Variants in ZDHHC18 observed in about 807,000 individuals in gnomAD.
ZDHHC18 encodes zDHHC palmitoyltransferase 18, also known as palmitoyltransferase ZDHHC18.
ZDHHC18 carries 23 observed loss-of-function variants against 37.5 expected under a neutral mutation model. The ratio of observed to expected loss-of-function variants is 0.61; its 90% CI spans 0.44 to 0.87. The LOEUF is 0.87. ZDHHC18 is among the 40% of genes least tolerant of loss of function. The pLI is 0.00. For missense variants in ZDHHC18, 406 were observed against 525.6 expected, an observed-to-expected ratio of 0.77 and a Z score of 2.22; for synonymous variants, 185 against 218.7, an observed-to-expected ratio of 0.85 and a Z score of 1.36.
chr1:26,856,018 C>A lies in ZDHHC18; in HGVS notation c.*2175C>A. Reference sequence around the variant, plus strand: ...GAGACCCCCAAATTCTTCTTCCCTACTGCCTTTCCACTCCGATCCCCAATG... The same window carrying A: ...GAGACCCCCAAATTCTTCTTCCCTAATGCCTTTCCACTCCGATCCCCAATG... On this transcript the variant is annotated 3_prime_UTR_variant, in exon 8 of 8. Coordinates refer to ENST00000374142, the MANE Select transcript of ZDHHC18 (RefSeq NM_032283.3). The surrounding 1 kb of genome is among the most constrained non-coding windows in gnomAD (Gnocchi z 5.2). 1 of 335,058 alleles carries A rather than the reference C, an allele frequency of 3.0e-6. No homozygotes were observed. The highest frequency in any genetic ancestry group is 6.4e-6 in the Non-Finnish European group (1 of 156,582). The allele number at this position is 335,058 out of a possible 1,614,324, so 20.8% of individuals were successfully genotyped here.
chr1:26,856,171 G>A lies in ZDHHC18; in HGVS notation c.*2328G>A. 2.2e-6 allele frequency: 1 copy of A among 452,556 alleles called. No homozygotes were observed. Among genetic ancestry groups the A allele is most frequent in the South Asian group, 1.6e-5 (1 of 64,494 alleles). 28.0% of individuals were successfully genotyped at this position (452,556 alleles called of 1,614,324 possible). A position where few individuals can be genotyped will look rare whatever the true frequency, so the allele number is the denominator to read the frequency against. On this transcript the variant is annotated 3_prime_UTR_variant, in exon 8 of 8. Coordinates refer to ENST00000374142, the MANE Select transcript of ZDHHC18 (RefSeq NM_032283.3). This position sits in a 1 kb window ranked among gnomAD's most constrained non-coding sequence, Gnocchi z 5.2. The stretch of plus-strand genomic sequence containing the variant: ...ACTCATAACACTGGCCCACCTCTCT[G>A]GTATCTCCCTCAGGAGGACACCTGT...
At chr1:26,840,481 C>T (rs1043296232) in intron 2 of ZDHHC18, among the ~76,000 whole-genome samples, 1 of 152,210 alleles carries the variant, frequency 6.6e-6, no homozygotes, top group African/African-American at 2.4e-5. Flanking sequence ...TGCTCTGTCA[C>T]CCAGGCTGGA....
intron 7 of ZDHHC18, 25 bp from the exon 8 acceptor site, chr1:26,853,701 A>G: frequency 1.2e-6 from 2 of 1,608,914 alleles, no homozygotes; most frequent in Non-Finnish European, 8.5e-7. Context: ...CAGAGCCCTC[A>G]TGTGTCTCCC....
intron 2 of ZDHHC18, among the ~76,000 whole-genome samples, chr1:26,836,927 A>AAT (rs990502986): frequency 7.5e-5 from 11 of 147,142 alleles, no homozygotes; most frequent in African/African-American, 2.5e-4. Context: ...ATATATGTAT[A>AAT]ATATATATAT....
chr1:26,847,031 G>A lies in ZDHHC18; in HGVS notation c.497-1577G>A, dbSNP rs2081672201. Among the ~76,000 whole-genome samples the A allele has an allele frequency of 2.0e-5, 3 of 151,934 alleles. No individual in the cohort carries two copies. In the South Asian group the frequency reaches 6.2e-4, roughly 32 times the overall value. ...CTGCCTCAGCCTCCCGAGTAGCTGG[G>A]ACTACAGGCACACGCCACCACAACC... On this transcript the variant is annotated intron_variant, in intron 2 of 7. Transcript: ENST00000374142.
rs77514071 is a variant in ZDHHC18, at chr1:26,841,541, C to G, written c.497-7067C>G. Among the ~76,000 whole-genome samples, 1,406 of 152,338 alleles carry G rather than the reference C, an allele frequency of 9.2e-3. 7 individuals are homozygous for G. The highest frequency in any genetic ancestry group is 0.027 in the South Asian group (129 of 4,828). ...GTGAGATTTATACCTACATGTGTTT[C>G]TGGCTCCAAAGCCTATGTCCAAGTC... is the stretch of plus-strand genomic sequence containing the variant. On this transcript the variant is annotated intron_variant, in intron 2 of 7. Coordinates refer to ENST00000374142, the MANE Select transcript of ZDHHC18 (RefSeq NM_032283.3).
chr1:26,843,664 C>T (rs1311251067), intron 2 of ZDHHC18, among the ~76,000 whole-genome samples: 3 of 151,760 alleles, frequency 2.0e-5, no homozygotes, highest in African/African-American at 7.3e-5. Flanking sequence ...GTGGCACACA[C>T]CTGTAATCCC....
At chr1:26,843,116 T>G (rs919896843) in intron 2 of ZDHHC18, among the ~76,000 whole-genome samples, 3 of 151,790 alleles carry the variant, frequency 2.0e-5, no homozygotes, top group Non-Finnish European at 2.9e-5. Flanking sequence ...CTTACTTAAG[T>G]CTTTCCTTTT....
At chr1:26,840,418 CCT>C (rs554825007) in intron 2 of ZDHHC18, among the ~76,000 whole-genome samples, 71 of 152,290 alleles carry the variant, frequency 4.7e-4, no homozygotes, top group African/African-American at 1.6e-3. Flanking sequence ...CCAGCAGCCC[CCT>C]GAGATGGACT....
chr1:26,833,701 G>A (rs974628991), intron 2 of ZDHHC18, among the ~76,000 whole-genome samples: 3 of 152,032 alleles, frequency 2.0e-5, no homozygotes, highest in African/African-American at 4.8e-5. Context: ...GAGAAGTGAC[G>A]TGGCTACTTG....
intron 1 of ZDHHC18, 151 bp from the exon 2 acceptor site, chr1:26,832,296 C>A: frequency 1.1e-6 from 1 of 903,032 alleles, no homozygotes; most frequent in East Asian, 2.4e-5. Context: ...TGGCTGCACT[C>A]ATCAAGGAGC....
In ZDHHC18 at chr1:26,848,819, G is replaced by A; in HGVS notation, c.646+62G>A. ...CTGAGAGAGACTGAGTCGTGGGGATGGGGGGCATCAAGCATGGGGATGGCG... is the reference window on the plus strand; with the variant it reads ...CTGAGAGAGACTGAGTCGTGGGGATAGGGGGCATCAAGCATGGGGATGGCG... On this transcript the variant is annotated intron_variant, in intron 3 of 7. Coordinates refer to ENST00000374142, the MANE Select transcript of ZDHHC18 (RefSeq NM_032283.3). The A allele has an allele frequency of 5.7e-6, 9 of 1,575,804 alleles. No homozygotes were observed. The South Asian group carries it at 1.0e-4, about 18-fold the overall frequency.
chr1:26,848,818 TG>T (rs1557645279), intron 3 of ZDHHC18, 61 bp downstream of exon 3: 4 of 1,576,002 alleles, frequency 2.5e-6, no homozygotes, highest in South Asian at 2.2e-5. Flanking sequence ...GTCGTGGGGA[TG>T]GGGGGCATCA....
Position 26,854,041 on chromosome 1 carries a change from T to C in ZDHHC18, c.*198T>C. The C allele has an allele frequency of 1.7e-6, 1 of 597,534 alleles. No individual in the cohort carries two copies. Among genetic ancestry groups the C allele is most frequent in the Admixed American group, 2.9e-5 (1 of 34,188 alleles). The allele number at this position is 597,534 out of a possible 1,614,324, so 37.0% of individuals were successfully genotyped here. On this transcript the variant is annotated 3_prime_UTR_variant, in exon 8 of 8. Coordinates refer to ENST00000374142, the MANE Select transcript of ZDHHC18 (RefSeq NM_032283.3). The surrounding 1 kb of genome is among the most constrained non-coding windows in gnomAD (Gnocchi z 4.6). ...TCCCCAAACCCAGGTTCCCACAGCC[T>C]TGGGCCCTAGGTACCCCAGCTGATC...
intron 2 of ZDHHC18, among the ~76,000 whole-genome samples, chr1:26,836,219 C>T (rs1324131291): frequency 6.6e-6 from 1 of 152,160 alleles, no homozygotes; most frequent in African/African-American, 2.4e-5. Context: ...GTTCACATGA[C>T]GGACACAGAG....
In ZDHHC18 at chr1:26,853,847, C is replaced by T. The variant is rs374421199; in HGVS notation, c.*4C>T. 24 of 1,612,620 alleles carry T rather than the reference C, an allele frequency of 1.5e-5. No individual in the cohort carries two copies. The Admixed American group carries it at 1.5e-4, about 10-fold the overall frequency. ...CATGGTAGGAGGCCACCCCTGACCACGGCTCAGTACTTGCCACCTGCTGGC... is the reference window on the plus strand; with the variant it reads ...CATGGTAGGAGGCCACCCCTGACCATGGCTCAGTACTTGCCACCTGCTGGC... On this transcript the variant is annotated 3_prime_UTR_variant, in exon 8 of 8. Coordinates refer to ENST00000374142, the MANE Select transcript of ZDHHC18 (RefSeq NM_032283.3).
chr1:26,846,006 A>G lies in ZDHHC18; in HGVS notation c.497-2602A>G, dbSNP rs138875666. The stretch of plus-strand genomic sequence containing the variant: ...GGGATTTTTGACTAGGATTATGTTG[A>G]ATCTGTGGATTAGGGAGAATAAATC... On this transcript the variant is annotated intron_variant, in intron 2 of 7. Coordinates refer to ENST00000374142, the MANE Select transcript of ZDHHC18 (RefSeq NM_032283.3). 8.8e-3 allele frequency among the ~76,000 whole-genome samples: 1,332 copies of G among 152,094 alleles called. 17 individuals are homozygous for G. Among genetic ancestry groups the G allele is most frequent in the African/African-American group, 0.031 (1,267 of 41,468 alleles).
Position 26,827,126 on chromosome 1 carries a change from T to A in ZDHHC18, c.322T>A (p.Phe108Ile). 7.1e-7 allele frequency: 1 copy of A among 1,411,146 alleles called. No individual in the cohort carries two copies. Among genetic ancestry groups the A allele is most frequent in the Non-Finnish European group, 9.2e-7 (1 of 1,087,278 alleles). 87.4% of individuals were successfully genotyped at this position (1,411,146 alleles called of 1,614,324 possible). A position where few individuals can be genotyped will look rare whatever the true frequency, so the allele number is the denominator to read the frequency against. ...LLLILTTTGL[F>I]FVFDCPYLAR... ...GCTCATCCTCACCACCACCGGCCTC[T>A]TCTTCGTCTTTGAGTGAGTTCCGCT... Residue 108 changes from phenylalanine to isoleucine, a missense_variant, in exon 1 of 8, where the codon TTC becomes ATC. By Grantham distance (21) the Phe-to-Ile change is conservative. Transcript: ENST00000374142.
rs931071740 is a variant in ZDHHC18 at position 26,856,810 on chromosome 1, CTCTT to C, written c.*2968_*2971del. On this transcript the variant is annotated 3_prime_UTR_variant, in exon 8 of 8. Coordinates refer to ENST00000374142, the MANE Select transcript of ZDHHC18 (RefSeq NM_032283.3). The surrounding 1 kb of genome is among the most constrained non-coding windows in gnomAD (Gnocchi z 5.2). Reference sequence around the variant, plus strand: ...CTCCTCCCAGGCCTGCTAACCCTCTCTCTTCTCCTTCTTTGCTGTCCTGCCGGGG... The same window carrying C: ...CTCCTCCCAGGCCTGCTAACCCTCTCCTCCTTCTTTGCTGTCCTGCCGGGG... 6.5e-6 allele frequency: 1 copy of C among 153,610 alleles called. No individual in the cohort carries two copies. Among genetic ancestry groups the C allele is most frequent in the African/African-American group, 2.4e-5 (1 of 41,496 alleles). 9.5% of individuals were successfully genotyped at this position (153,610 alleles called of 1,614,324 possible).
Sources: gnomAD v4.1 joint callset for allele counts (sites outside exome capture counted in the v4.1 genomes callset) on GRCh38, gnomAD v4.1.1 for gene constraint, Gnocchi (gnomAD v3.1) non-coding constraint, MANE v1.5 for transcripts, NCBI Gene and HGNC (gene_info 2026-07-23, HGNC 2026-07-21) for gene names.